ROBO1: variants seen among roughly 807,000 people sequenced by gnomAD.
ROBO1 encodes the protein roundabout guidance receptor 1, also known as roundabout homolog 1.
A neutral mutation model predicts 195.9 loss-of-function variants in ROBO1; 149 were observed. The observed-to-expected ratio is 0.76, with a 90% CI of 0.67 to 0.87. The LOEUF is 0.87. Ranked by LOEUF, ROBO1 falls within the 40% of genes least tolerant of loss-of-function variation. ROBO1 has a pLI of 0.00. For synonymous variants in ROBO1, 816 were observed against 733.2 expected (o/e 1.11, Z -1.82); for missense variants, 1,933 against 2,068.3 (o/e 0.93, Z 1.27).
intron 4 of ROBO1, among the ~76,000 whole-genome samples, chr3:78,772,072 CAG>C: frequency 6.6e-6 from 1 of 152,146 alleles, no homozygotes; most frequent in South Asian, 2.1e-4. Flanking sequence ...CATATACAAA[CAG>C]ATGTAATAAA....
chr3:79,605,246 CTT>C (rs10659867), intron 1 of ROBO1, among the ~76,000 whole-genome samples: 1 of 147,874 alleles, frequency 6.8e-6, no homozygotes, highest in African/African-American at 2.5e-5. Flanking sequence ...TTCCGTATTA[CTT>C]TTTTTTTTAA....
At chr3:79,345,710 T>C (rs1219018060) in intron 2 of ROBO1, among the ~76,000 whole-genome samples, 4 of 152,124 alleles carry the variant, frequency 2.6e-5, no homozygotes, top group Non-Finnish European at 4.4e-5. Flanking sequence ...ACTGAATGCC[T>C]ACAGAGGCAA....
chr3:78,968,091 C>G (rs1272423159), intron 3 of ROBO1, among the ~76,000 whole-genome samples: 4 of 152,160 alleles, frequency 2.6e-5, no homozygotes, highest in Non-Finnish European at 5.9e-5. Context: ...ACAGAAGTAT[C>G]AAAAGATCTG....
At chr3:79,052,363 G>C (rs1431509314) in intron 3 of ROBO1, among the ~76,000 whole-genome samples, 1 of 152,088 alleles carries the variant, frequency 6.6e-6, no homozygotes, top group Admixed American at 6.6e-5. Flanking sequence ...CTTGAACCCT[G>C]TTTCCTGTTA....
At chr3:78,879,222 ATAT>A (rs2036035312) in intron 4 of ROBO1, among the ~76,000 whole-genome samples, 1 of 152,224 alleles carries the variant, frequency 6.6e-6, no homozygotes, top group Admixed American at 6.5e-5. Context: ...TAACACAATG[ATAT>A]TACACGCAGG....
At chr3:79,479,696 C>A (rs1031114177) in intron 2 of ROBO1, among the ~76,000 whole-genome samples, 1 of 152,156 alleles carries the variant, frequency 6.6e-6, no homozygotes, top group Non-Finnish European at 1.5e-5. Flanking sequence ...AATGGACCTG[C>A]AAATAACTCA....
intron 2 of ROBO1, among the ~76,000 whole-genome samples, chr3:79,436,997 G>A (rs534728146): frequency 6.6e-6 from 1 of 152,058 alleles, no homozygotes; most frequent in South Asian, 2.1e-4. Context: ...CTGGATTCTT[G>A]ATTGTTGCCT....
chr3:79,146,324 C>A (rs1021062931), intron 2 of ROBO1, among the ~76,000 whole-genome samples: 5 of 151,844 alleles, frequency 3.3e-5, no homozygotes, highest in Non-Finnish European at 7.4e-5. Context: ...GAATATACCA[C>A]TTAAAACTTT....
intron 26 of ROBO1, among the ~76,000 whole-genome samples, chr3:78,624,388 G>C (rs1263855531): frequency 6.6e-6 from 1 of 152,008 alleles, no homozygotes; most frequent in African/African-American, 2.4e-5. Flanking sequence ...CTTTTTATTA[G>C]TGCCCAGTGT....
chr3:79,120,662 G>C (rs2080100050), intron 3 of ROBO1, among the ~76,000 whole-genome samples: 1 of 152,028 alleles, frequency 6.6e-6, no homozygotes, highest in South Asian at 2.1e-4. Flanking sequence ...GGTTTAATGA[G>C]GGAGGTGTCA....
At chr3:78,790,923 C>T (rs540720499) in intron 4 of ROBO1, among the ~76,000 whole-genome samples, 19 of 152,214 alleles carry the variant, frequency 1.2e-4, no homozygotes, top group Admixed American at 4.6e-4. Flanking sequence ...TAAAGTAGTC[C>T]CCCCATCAGA....
intron 2 of ROBO1, among the ~76,000 whole-genome samples, chr3:79,561,080 C>T (rs1165588756): frequency 6.7e-6 from 1 of 149,720 alleles, no homozygotes; most frequent in African/African-American, 2.5e-5. Flanking sequence ...GACTTTGCAT[C>T]GTGGCTACTG....
chr3:78,721,164 A>T (rs1321417517), intron 5 of ROBO1, among the ~76,000 whole-genome samples: 1 of 152,204 alleles, frequency 6.6e-6, no homozygotes, highest in African/African-American at 2.4e-5. Context: ...CACAGCTCAC[A>T]TCCTTATTAT....
chr3:79,044,416 A>T (rs2078551091), intron 3 of ROBO1, among the ~76,000 whole-genome samples: 1 of 152,176 alleles, frequency 6.6e-6, no homozygotes, highest in Non-Finnish European at 1.5e-5. Context: ...TTTAATAGCC[A>T]ATGATAAAGT....
intron 4 of ROBO1, among the ~76,000 whole-genome samples, chr3:78,885,230 G>C (rs1013934528): frequency 5.9e-5 from 9 of 151,624 alleles, no homozygotes; most frequent in African/African-American, 2.2e-4. Flanking sequence ...GACACATAGA[G>C]GTAAAAAACA....
intron 4 of ROBO1, among the ~76,000 whole-genome samples, chr3:78,804,221 T>C (rs777767062): frequency 6.6e-6 from 1 of 152,218 alleles, no homozygotes; most frequent in Non-Finnish European, 1.5e-5. Context: ...GAGACTTGTG[T>C]CTGTTTATCT....
chr3:79,548,857 T>C lies in ROBO1; in HGVS notation c.88+40967A>G, dbSNP rs568778581. On this transcript the variant is annotated intron_variant, in intron 2 of 30. Transcript: ENST00000464233. ...TTTTGAATCATTGCTTGCTCCATCA[T>C]TGAGCAGCAAGTAATCAGTGCACTG... is the stretch of plus-strand genomic sequence containing the variant. Among the ~76,000 whole-genome samples the C allele has an allele frequency of 2.0e-5, 3 of 152,144 alleles. 1 individual carries two copies. Among genetic ancestry groups the C allele is most frequent in the South Asian group, 4.1e-4 (2 of 4,826 alleles).
At chr3:79,660,237 G>T (rs1946290712) in intron 1 of ROBO1, among the ~76,000 whole-genome samples, 1 of 151,898 alleles carries the variant, frequency 6.6e-6, no homozygotes, top group Non-Finnish European at 1.5e-5. Context: ...CCGAGAACTT[G>T]CAAGCCTAAG....
At chr3:78,599,917 T>C in intron 30 of ROBO1, 196 bp downstream of exon 30, 5 of 622,956 alleles carry the variant, frequency 8.0e-6, no homozygotes, top group Middle Eastern at 4.4e-4. Flanking sequence ...TAAACTGCCA[T>C]TAACATTTAA....
Sources: gnomAD v4.1 joint callset for allele counts (sites outside exome capture counted in the v4.1 genomes callset) on GRCh38, gnomAD v4.1.1 for gene constraint, MANE v1.5 for transcripts, NCBI Gene and HGNC (gene_info 2026-07-23, HGNC 2026-07-21) for gene names.